The following BIN2 variants were observed in gnomAD, a reference collection of about 807,000 sequenced individuals.
BIN2 encodes breast cancer associated protein BRAP1.
Under a neutral mutation model 67.9 loss-of-function variants are expected in BIN2, and 43 were observed. That is an observed-to-expected ratio of 0.63 (90% CI 0.50 to 0.82). BIN2 has a LOEUF of 0.82. Among genes scored for constraint, BIN2 ranks in the 40% least tolerant of loss-of-function variants. The probability of loss-of-function intolerance (pLI) is 0.00; values close to 1 mark genes in which losing one functional copy is unlikely to be tolerated. For missense variants in BIN2, 581 were observed against 671.6 expected, an observed-to-expected ratio of 0.87 and a Z score of 1.49; for synonymous variants, 244 against 246.8, an observed-to-expected ratio of 0.99 and a Z score of 0.11.
chr12:51,299,391 G>A, intron 6 of BIN2, 103 bp from the exon 7 acceptor site: 2 of 1,173,010 alleles, frequency 1.7e-6, no homozygotes, highest in Admixed American at 1.8e-5. Context: ...GGCTTTTTAG[G>A]AGCCATCCCT....
chr12:51,313,228 A>AAGGAAGGAAGGC lies in BIN2; in HGVS notation c.162+594_162+595insGCCTTCCTTCCT, dbSNP rs1565687607. The stretch of plus-strand genomic sequence containing the variant: ...GAAGGAAGGAAGGAAGGAAGGCAGG[A>AAGGAAGGAAGGC]AGGCAGGCAGGCAGGCAGGCAGGGA... On this transcript the variant is annotated intron_variant, in intron 2 of 12. Transcript: ENST00000615107. Among the ~76,000 whole-genome samples, 92 of 139,776 alleles carry AAGGAAGGAAGGC rather than the reference A, an allele frequency of 6.6e-4. 1 individual carries two copies. Among genetic ancestry groups the AAGGAAGGAAGGC allele is most frequent in the African/African-American group, 1.3e-3 (51 of 38,386 alleles). The allele number at this position is 139,776 out of a possible 152,430, so 91.7% of individuals were successfully genotyped here. A position where few individuals can be genotyped will look rare whatever the true frequency, so the allele number is the denominator to read the frequency against.
intron 1 of BIN2, among the ~76,000 whole-genome samples, chr12:51,319,267 C>T (rs76875296): frequency 0.076 from 11,618 of 152,182 alleles, 555 homozygotes; most frequent in Non-Finnish European, 0.11. Flanking sequence ...AGTGTGGGGT[C>T]GGGGGTTGGG....
chr12:51,317,266 C>T (rs534970524), intron 1 of BIN2, among the ~76,000 whole-genome samples: 1 of 152,192 alleles, frequency 6.6e-6, no homozygotes, highest in East Asian at 1.9e-4. Context: ...TCTCAGTATC[C>T]AGGAACTAGA....
intron 8 of BIN2, among the ~76,000 whole-genome samples, chr12:51,296,496 CA>C (rs200414380): frequency 0.056 from 6,289 of 111,442 alleles, 143 homozygotes; most frequent in South Asian, 0.14. Context: ...GACTCCGTCT[CA>C]AAAAAAAAAA....
intron 1 of BIN2, among the ~76,000 whole-genome samples, chr12:51,317,969 A>C (rs537456066): frequency 6.6e-6 from 1 of 152,264 alleles, no homozygotes; most frequent in East Asian, 1.9e-4. Flanking sequence ...GCCTAGGCAA[A>C]AGAGCAAGAC....
intron 5 of BIN2, 55 bp from the exon 6 acceptor site, chr12:51,299,769 G>T: frequency 7.1e-7 from 1 of 1,408,038 alleles, no homozygotes; most frequent in Non-Finnish European, 1.0e-6. Context: ...TGGCCAGGAT[G>T]TAGGTAACAG....
At chr12:51,314,876 A>G (rs551753239) in intron 1 of BIN2, among the ~76,000 whole-genome samples, 2 of 152,206 alleles carry the variant, frequency 1.3e-5, no homozygotes, top group East Asian at 3.9e-4. Context: ...TATTTGAGAC[A>G]GGGTCTTGCT....
intron 2 of BIN2, among the ~76,000 whole-genome samples, chr12:51,313,220 A>AAGGAAGGAAGGAAGGAAGGAAGGAAGGC (rs1319737260): frequency 4.2e-4 from 58 of 138,212 alleles, no homozygotes; most frequent in South Asian, 1.1e-3. Context: ...GGAAGGAAGG[A>AAGGAAGGAAGGAAGGAAGGAAGGAAGGC]AGGCAGGAAG....
intron 9 of BIN2, 70 bp downstream of exon 9, chr12:51,295,726 T>C (rs1357188864): frequency 3.1e-6 from 4 of 1,301,628 alleles, no homozygotes; most frequent in Non-Finnish European, 4.4e-6. Flanking sequence ...GATTCTGGAC[T>C]GGAGATGAGG....
intron 5 of BIN2, among the ~76,000 whole-genome samples, chr12:51,300,667 C>T (rs188308313): frequency 2.0e-5 from 3 of 152,006 alleles, no homozygotes; most frequent in Non-Finnish European, 2.9e-5. Context: ...GTCTTTGAAC[C>T]GTTTCATTCT....
At chr12:51,324,330 C>A (rs1203889512), upstream of BIN2, 11 of 1,337,178 alleles carry the variant, frequency 8.2e-6, no homozygotes, top group East Asian at 2.2e-4. Flanking sequence ...GCAGCGCTCG[C>A]TCGAGGCCAG....
intron 1 of BIN2, among the ~76,000 whole-genome samples, chr12:51,323,491 T>A (rs1266672870): frequency 6.7e-6 from 1 of 150,064 alleles, no homozygotes; most frequent in Non-Finnish European, 1.5e-5. Context: ...CCTGCTTACG[T>A]CAGCTGAAAC....
intron 1 of BIN2, chr12:51,322,954 G>C (rs1455942473): frequency 6.6e-6 from 1 of 152,082 alleles, no homozygotes; most frequent in African/African-American, 2.4e-5. Context: ...GCCTTCCCAG[G>C]GCTCAAAGCA....
chr12:51,289,726 T>G (rs1041681023), intron 10 of BIN2, among the ~76,000 whole-genome samples: 3 of 152,192 alleles, frequency 2.0e-5, no homozygotes, highest in African/African-American at 7.2e-5. Context: ...CTTAAAAATT[T>G]TTTTTTGAGA....
At chr12:51,305,210 C>T (rs918497600) in intron 2 of BIN2, among the ~76,000 whole-genome samples, 4 of 151,912 alleles carry the variant, frequency 2.6e-5, no homozygotes, top group Non-Finnish European at 5.9e-5. Context: ...GCGGCAGGCA[C>T]CTGTAATCCC....
intron 10 of BIN2, among the ~76,000 whole-genome samples, chr12:51,290,224 A>T (rs1945347402): frequency 6.6e-6 from 1 of 151,554 alleles, no homozygotes; most frequent in South Asian, 2.1e-4. Context: ...GGTTCAAGTG[A>T]TTCTCATGTT....
At position 51,324,052 on chromosome 12, in the gene BIN2, C is replaced by T. The variant is rs765730538; in HGVS notation, c.51G>A (p.Val17=). The part of the protein sequence containing the change: ...GGAAGLFAKQ[V]QKKFSRAQEK... ...CCTGGGCCCTGCTAAACTTCTTCTG[C>T]ACCTGCTTGGCGAAGAGGCCGGCCG... Residue 17 remains valine (V), a synonymous_variant, in exon 1 of 13, where the codon GTG becomes GTA. Coordinates refer to ENST00000615107, the MANE Select transcript of BIN2 (RefSeq NM_016293.4). The T allele has an allele frequency of 6.2e-7, 1 of 1,613,636 alleles. No individual in the cohort carries two copies. The highest frequency in any genetic ancestry group is 8.5e-7 in the Non-Finnish European group (1 of 1,179,730).
chr12:51,322,401 T>C (rs994582487), intron 1 of BIN2, among the ~76,000 whole-genome samples: 3 of 152,220 alleles, frequency 2.0e-5, no homozygotes, highest in Admixed American at 1.3e-4. Flanking sequence ...TTTTTATGTA[T>C]TTATTTTTAT....
chr12:51,316,527 C>A (rs1022023078), intron 1 of BIN2, among the ~76,000 whole-genome samples: 1 of 151,980 alleles, frequency 6.6e-6, no homozygotes, highest in African/African-American at 2.4e-5. Flanking sequence ...CAATATGTAT[C>A]TTTAAGTAAT....
Sources: allele counts gnomAD v4.1 joint callset (sites outside exome capture counted in the v4.1 genomes callset), GRCh38; gene constraint gnomAD v4.1.1; transcripts MANE v1.5; gene names NCBI Gene and HGNC (gene_info 2026-07-23, HGNC 2026-07-21).